MYOF: variants seen among roughly 807,000 people sequenced by gnomAD.
MYOF encodes myoferlin.
In MYOF, 244 loss-of-function variants were observed where a neutral mutation model predicts 284.2. The observed-to-expected ratio is 0.86, with a 90% CI of 0.77 to 0.95. MYOF has a LOEUF of 0.95. Ranked by LOEUF, MYOF falls within the 40% of genes least tolerant of loss-of-function variation. The pLI, the probability that MYOF is intolerant of heterozygous loss-of-function variation, is 0.00. For synonymous variants in MYOF, 904 were observed against 919.7 expected, an observed-to-expected ratio of 0.98 and a Z score of 0.31; for missense variants, 2,496 against 2,560.6, an observed-to-expected ratio of 0.97 and a Z score of 0.54.
intron 44 of MYOF, 32 bp downstream of exon 44, chr10:93,329,632 A>G: frequency 6.2e-7 from 1 of 1,611,170 alleles, no homozygotes. Context: ...CAGAGGCAGC[A>G]AAGTGCCTCT....
intron 1 of MYOF, among the ~76,000 whole-genome samples, chr10:93,480,402 A>T (rs11812231): frequency 0.019 from 2,820 of 151,328 alleles, 93 homozygotes; most frequent in African/African-American, 0.064. Flanking sequence ...AAATTTTTTT[A>T]AATTTTTTTT....
At chr10:93,342,687 T>C (rs544005932) in intron 38 of MYOF, among the ~76,000 whole-genome samples, 43 of 152,342 alleles carry the variant, frequency 2.8e-4, no homozygotes, top group African/African-American at 1.0e-3. Flanking sequence ...TTAGGGCTAC[T>C]GAGTACACTG....
At chr10:93,453,316 C>A (rs904026850) in intron 2 of MYOF, among the ~76,000 whole-genome samples, 8 of 152,156 alleles carry the variant, frequency 5.3e-5, no homozygotes, top group African/African-American at 1.9e-4. Context: ...CAGGCGCCTG[C>A]CACCATGCCC....
intron 25 of MYOF, 81 bp from the exon 26 acceptor site, chr10:93,366,636 G>A (rs949777444): frequency 1.1e-5 from 14 of 1,235,100 alleles, no homozygotes; most frequent in East Asian, 2.4e-5. Context: ...CAAGTTCATC[G>A]AGGACTTAGG....
intron 1 of MYOF, among the ~76,000 whole-genome samples, chr10:93,474,193 T>C (rs549920762): frequency 6.6e-6 from 1 of 152,188 alleles, no homozygotes; most frequent in Non-Finnish European, 1.5e-5. Context: ...GCTCCATCTG[T>C]GCTGAGAAGC....
intron 25 of MYOF, among the ~76,000 whole-genome samples, chr10:93,367,970 A>G (rs1845404406): frequency 6.6e-6 from 1 of 152,144 alleles, no homozygotes; most frequent in Non-Finnish European, 1.5e-5. Context: ...ATCTCTCTAC[A>G]TAAGTTGAAG....
chr10:93,400,354 A>G (rs114293906), intron 12 of MYOF, among the ~76,000 whole-genome samples: 2,594 of 145,636 alleles, frequency 0.018, 75 homozygotes, highest in African/African-American at 0.061. Context: ...AAATAGAGAC[A>G]GTAGTCTTGC....
At chr10:93,328,554 G>C (rs771819097) in intron 45 of MYOF, among the ~76,000 whole-genome samples, 3 of 152,174 alleles carry the variant, frequency 2.0e-5, no homozygotes, top group Non-Finnish European at 4.4e-5. Context: ...AATCTAAAAA[G>C]GGCAAGTGAA....
chr10:93,355,483 G>A (rs969538779), intron 31 of MYOF, 145 bp downstream of exon 31: 5 of 541,990 alleles, frequency 9.2e-6, no homozygotes, highest in Non-Finnish European at 1.6e-5. Flanking sequence ...CTACTCAGGA[G>A]GCTGAGGCAG....
intron 29 of MYOF, among the ~76,000 whole-genome samples, chr10:93,359,318 C>T (rs1037466308): frequency 2.0e-5 from 3 of 151,450 alleles, no homozygotes; most frequent in African/African-American, 4.9e-5. Flanking sequence ...CACTTCTATA[C>T]ATGCCACTTA....
chr10:93,318,344 C>T (rs1842706641), intron 49 of MYOF, among the ~76,000 whole-genome samples: 2 of 152,016 alleles, frequency 1.3e-5, no homozygotes, highest in South Asian at 2.1e-4. Context: ...TTGCTTGAGC[C>T]CAGAAGGTCA....
At chr10:93,336,559 C>T (rs2133828676) in intron 40 of MYOF, among the ~76,000 whole-genome samples, 1 of 152,214 alleles carries the variant, frequency 6.6e-6, no homozygotes, top group Middle Eastern at 3.4e-3. Flanking sequence ...CAATCAGTTG[C>T]TCCTAGGAGG....
rs1243618498 is a variant in MYOF at position 93,354,703 on chromosome 10, T to TCTCTCTCTCTCTCTCTCTCTC, written c.3404-816_3404-815insGAGAGAGAGAGAGAGAGAGAG. On this transcript the variant is annotated intron_variant, in intron 31 of 53. Transcript: ENST00000359263. ...TCTCTCTCTCTCTCTCTCTCTCTCT[T>TCTCTCTCTCTCTCTCTCTCTC]TGTGAGATAGCAGAGCATTATGATT... Among the ~76,000 whole-genome samples, 80 of 70,718 alleles carry TCTCTCTCTCTCTCTCTCTCTC rather than the reference T, an allele frequency of 1.1e-3. 2 individuals are homozygous for TCTCTCTCTCTCTCTCTCTCTC. Among genetic ancestry groups the TCTCTCTCTCTCTCTCTCTCTC allele is most frequent in the African/African-American group, 2.7e-3 (74 of 27,374 alleles). 46.4% of individuals were successfully genotyped at this position (70,718 alleles called of 152,430 possible).
At chr10:93,410,040 A>T (rs1208877454) in intron 5 of MYOF, among the ~76,000 whole-genome samples, 2 of 152,200 alleles carry the variant, frequency 1.3e-5, no homozygotes, top group Non-Finnish European at 2.9e-5. Context: ...CCAGCCAGGG[A>T]TTGCTGAGTT....
intron 44 of MYOF, 38 bp from the exon 45 acceptor site, chr10:93,328,949 G>T: frequency 6.4e-7 from 1 of 1,565,048 alleles, no homozygotes; most frequent in South Asian, 1.2e-5. Context: ...TTACGGAGGA[G>T]CCTGCAGGTT....
chr10:93,317,762 T>C (rs1479074513), intron 49 of MYOF, among the ~76,000 whole-genome samples: 1 of 152,224 alleles, frequency 6.6e-6, no homozygotes, highest in Non-Finnish European at 1.5e-5. Context: ...TTGCCTCCAT[T>C]GCCTCAGACA....
chr10:93,384,027 T>A (rs932696102), intron 19 of MYOF, among the ~76,000 whole-genome samples: 1 of 152,032 alleles, frequency 6.6e-6, no homozygotes, highest in Non-Finnish European at 1.5e-5. Context: ...CTAAAAGCAA[T>A]AGTTTGGGCT....
intron 43 of MYOF, among the ~76,000 whole-genome samples, chr10:93,332,001 C>G (rs183148449): frequency 6.6e-6 from 1 of 152,306 alleles, no homozygotes; most frequent in Admixed American, 6.5e-5. Flanking sequence ...GTTGGAAAAG[C>G]ATGGGGCTTG....
At chr10:93,453,017 A>G (rs1007767930) in intron 2 of MYOF, among the ~76,000 whole-genome samples, 3 of 152,174 alleles carry the variant, frequency 2.0e-5, no homozygotes, top group Non-Finnish European at 4.4e-5. Context: ...GTAATAATTA[A>G]ATGATGACTT....
Sources: allele counts gnomAD v4.1 joint callset (sites outside exome capture counted in the v4.1 genomes callset), GRCh38; gene constraint gnomAD v4.1.1; transcripts MANE v1.5; gene names NCBI Gene and HGNC (gene_info 2026-07-23, HGNC 2026-07-21).